Variants in GFRA1 observed in about 807,000 individuals in gnomAD.
The protein encoded by GFRA1 is GDNF family receptor alpha 1.
A neutral mutation model predicts 51.6 loss-of-function variants in GFRA1; 16 were observed. That is an observed-to-expected ratio of 0.31 (90% CI 0.21 to 0.47). The LOEUF (loss-of-function observed/expected upper bound fraction) is 0.47, where lower values mean the gene tolerates loss of function less well. Among genes scored for constraint, GFRA1 ranks in the 20% least tolerant of loss-of-function variants. GFRA1 has a pLI of 1.00. For synonymous variants in GFRA1, 270 were observed against 241.3 expected, an observed-to-expected ratio of 1.12 and a Z score of -1.10; for missense variants, 530 against 594.3, an observed-to-expected ratio of 0.89 and a Z score of 1.13.
At chr10:116,199,103 G>C (rs1358320495) in intron 5 of GFRA1, among the ~76,000 whole-genome samples, 1 of 152,156 alleles carries the variant, frequency 6.6e-6, no homozygotes, top group East Asian at 1.9e-4. Context: ...CCTTCAGAGA[G>C]AGCATGGCCT....
intron 4 of GFRA1, chr10:116,226,798 A>C (rs1966325476): frequency 2.4e-6 from 1 of 410,418 alleles, no homozygotes; most frequent in Admixed American, 2.5e-5. Flanking sequence ...AGAGGGTCCT[A>C]CCTGGGAGGG....
intron 9 of GFRA1, among the ~76,000 whole-genome samples, chr10:116,085,212 T>C (rs963673217): frequency 2.0e-5 from 3 of 152,254 alleles, no homozygotes; most frequent in African/African-American, 4.8e-5. Context: ...GTTTGGTTTG[T>C]TGATAATTAC....
At chr10:116,162,249 G>T (rs1959895544) in intron 5 of GFRA1, among the ~76,000 whole-genome samples, 6 of 152,258 alleles carry the variant, frequency 3.9e-5, no homozygotes, top group Admixed American at 3.9e-4. Context: ...TAAGCAGGCA[G>T]TGTCAAGCTG....
chr10:116,251,137 C>T (rs1304047407), intron 4 of GFRA1, among the ~76,000 whole-genome samples: 1 of 152,222 alleles, frequency 6.6e-6, no homozygotes, highest in African/African-American at 2.4e-5. Flanking sequence ...GCTATCAAAA[C>T]ACGTGCATTT....
In GFRA1 at chr10:116,215,729, G is replaced by T. The variant is rs1453506887; in HGVS notation, c.419-4084C>A. On this transcript the variant is annotated intron_variant, in intron 4 of 10. Coordinates refer to ENST00000355422, the MANE Select transcript of GFRA1 (RefSeq NM_005264.8). ...CAGTGGCCGCTCTAGCCACAATCAG[G>T]TTGAGCCCAAAGGGCACCAGAGACA... Among the ~76,000 whole-genome samples the T allele has an allele frequency of 2.0e-5, 3 of 152,170 alleles. No homozygotes were observed. The East Asian group carries it at 5.8e-4, about 29-fold the overall frequency.
intron 4 of GFRA1, among the ~76,000 whole-genome samples, chr10:116,250,375 A>G (rs1363685211): frequency 1.3e-5 from 2 of 152,242 alleles, no homozygotes; most frequent in East Asian, 3.9e-4. Context: ...GGCCTCAACC[A>G]TTCTGGTCTT....
chr10:116,073,630 C>T (rs181839341), intron 9 of GFRA1, among the ~76,000 whole-genome samples: 114 of 152,216 alleles, frequency 7.5e-4, no homozygotes, highest in Non-Finnish European at 8.8e-5. Flanking sequence ...TAAAATGAAA[C>T]ATTTGTTTTC....
intron 5 of GFRA1, among the ~76,000 whole-genome samples, chr10:116,156,835 T>TTTGTTCTTTAATTTG (rs544089769): frequency 0.02 from 2,983 of 152,162 alleles, 44 homozygotes; most frequent in Middle Eastern, 0.058. Flanking sequence ...TCTTTAATTT[T>TTTGTTCTTTAATTTG]AGCTGTACCC....
intron 5 of GFRA1, among the ~76,000 whole-genome samples, chr10:116,169,532 C>T (rs1411351144): frequency 6.6e-6 from 1 of 152,144 alleles, no homozygotes; most frequent in Non-Finnish European, 1.5e-5. Context: ...AGCGCTGTGG[C>T]AGAAAAGGAG....
At chr10:116,196,349 CGTG>C (rs1963745964) in intron 5 of GFRA1, among the ~76,000 whole-genome samples, 1 of 150,452 alleles carries the variant, frequency 6.6e-6, no homozygotes, top group South Asian at 2.1e-4. Context: ...ATTTGCCGGA[CGTG>C]GTGGCAGGTG....
intron 5 of GFRA1, among the ~76,000 whole-genome samples, chr10:116,195,679 A>G (rs1359646954): frequency 2.6e-5 from 4 of 152,124 alleles, no homozygotes; most frequent in Non-Finnish European, 4.4e-5. Context: ...TGGCCCAGGG[A>G]TCTCCAACTC....
At chr10:116,128,364 C>G (rs763584789) in intron 5 of GFRA1, among the ~76,000 whole-genome samples, 1 of 152,064 alleles carries the variant, frequency 6.6e-6, no homozygotes, top group Non-Finnish European at 1.5e-5. Flanking sequence ...AAAGTCAACA[C>G]GTAACATCTA....
At chr10:116,103,882 G>T (rs978303195) in intron 6 of GFRA1, among the ~76,000 whole-genome samples, 3 of 152,304 alleles carry the variant, frequency 2.0e-5, no homozygotes, top group African/African-American at 7.2e-5. Context: ...TTTGCAGGGG[G>T]TGTTATTTTG....
rs5788142 is a variant in GFRA1, at chr10:116,206,622, CTTTTTTTTTTTT to C, written c.433+4997_433+5008del. Among the ~76,000 whole-genome samples, 30 of 84,508 alleles carry C rather than the reference CTTTTTTTTTTTT, an allele frequency of 3.5e-4. No individual in the cohort carries two copies. The East Asian group carries it at 0.01, about 29-fold the overall frequency. 55.4% of individuals were successfully genotyped at this position (84,508 alleles called of 152,430 possible). A position where few individuals can be genotyped will look rare whatever the true frequency, so the allele number is the denominator to read the frequency against. Reference sequence around the variant, plus strand: ...GGTTACACTTCTGAAACCACATTCTCTTTTTTTTTTTTTTTTTTTTTTTGAGACGGAGCCTCA... The same window carrying C: ...GGTTACACTTCTGAAACCACATTCTCTTTTTTTTTTTGAGACGGAGCCTCA... On this transcript the variant is annotated intron_variant, in intron 5 of 10. Coordinates refer to ENST00000355422, the MANE Select transcript of GFRA1 (RefSeq NM_005264.8).
chr10:116,162,199 G>A (rs1349126882), intron 5 of GFRA1, among the ~76,000 whole-genome samples: 1 of 152,206 alleles, frequency 6.6e-6, no homozygotes, highest in African/African-American at 2.4e-5. Context: ...TGGACCTGGA[G>A]GCAGCGGAGC....
chr10:116,235,867 T>A (rs1966863376), intron 4 of GFRA1, among the ~76,000 whole-genome samples: 1 of 152,136 alleles, frequency 6.6e-6, no homozygotes, highest in South Asian at 2.1e-4. Context: ...CGCCATCTTG[T>A]AGGAAAGACC....
Position 116,125,355 on chromosome 10 carries a change from G to T in GFRA1, c.636C>A (p.Leu212=), listed in dbSNP as rs80143981. The T allele has an allele frequency of 1.2e-6, 2 of 1,614,244 alleles. No homozygotes were observed. The highest frequency in any genetic ancestry group is 2.2e-5 in the South Asian group (2 of 91,086). The change falls in exon 6 of 11, where the codon CTC becomes CTA. Residue 212 remains leucine, a synonymous_variant. Transcript: ENST00000355422. The stretch of plus-strand genomic sequence containing the variant: ...AGGCGATGTCCCGGCAGGAGCAGAA[G>T]AGCATTCCGTAGCTGTGCTTGGCCG... ...KVPAKHSYGM[L]FCSCRDIACT... is the part of the protein sequence containing the mutation.
chr10:116,272,062 A>G lies in GFRA1; in HGVS notation c.-33T>C, dbSNP rs971148087. ...GCGCGGGGCTGGTCCCCGCCCCCCCAAAAAAATCCCGAGCCGCCGCTGGGT... is the reference window on the plus strand; with the variant it reads ...GCGCGGGGCTGGTCCCCGCCCCCCCGAAAAAATCCCGAGCCGCCGCTGGGT... On this transcript the variant is annotated 5_prime_UTR_variant, in exon 2 of 11. Transcript: ENST00000355422. The surrounding 1 kb of genome is among the most constrained non-coding windows in gnomAD (Gnocchi z 4.4). The G allele has an allele frequency of 6.5e-7, 1 of 1,534,658 alleles. No individual in the cohort carries two copies. The highest frequency in any genetic ancestry group is 1.4e-5 in the African/African-American group (1 of 72,676).
In GFRA1 at chr10:116,063,374, G is replaced by A. The variant is rs371252196; in HGVS notation, c.*1024C>T. 4.6e-5 allele frequency: 7 copies of A among 152,352 alleles called. No homozygotes were observed. The highest frequency in any genetic ancestry group is 3.9e-4 in the East Asian group (2 of 5,190). The allele number at this position is 152,352 out of a possible 1,614,324, so 9.4% of individuals were successfully genotyped here. On this transcript the variant is annotated 3_prime_UTR_variant, in exon 11 of 11. Transcript: ENST00000355422. ...GATGCAGAACTTTCTGCTACAGCAC[G>A]AGGCTTCTCAGAGTCTGCTTTTGAT...
Sources: gnomAD v4.1 joint callset for allele counts (sites outside exome capture counted in the v4.1 genomes callset) on GRCh38, gnomAD v4.1.1 for gene constraint, Gnocchi (gnomAD v3.1) non-coding constraint, MANE v1.5 for transcripts, NCBI Gene and HGNC (gene_info 2026-07-23, HGNC 2026-07-21) for gene names.